Variants in DIP2B observed in about 807,000 individuals in gnomAD.
DIP2B encodes disco-interacting protein 2 homolog B.
In DIP2B, 76 loss-of-function variants were observed where a neutral mutation model predicts 198.0. The ratio of observed to expected loss-of-function variants is 0.38; its 90% CI spans 0.32 to 0.46. The LOEUF (loss-of-function observed/expected upper bound fraction) is 0.46. DIP2B is among the 20% of genes least tolerant of loss of function. The pLI, the probability that DIP2B is intolerant of heterozygous loss-of-function variation, is 0.99. For synonymous variants in DIP2B, 701 were observed against 739.1 expected (o/e 0.95, Z 0.84); for missense variants, 1,559 against 1,978.4 (o/e 0.79, Z 4.02).
Position 50,737,083 on chromosome 12 carries a change from G to A in DIP2B, c.4149G>A (p.Gly1383=). The change falls in exon 35 of 38, where the codon GGG becomes GGA. Residue 1383 remains glycine, a synonymous_variant. Coordinates refer to ENST00000301180, the MANE Select transcript of DIP2B (RefSeq NM_173602.3). ...TTATTGTTAATCCTGAGACCAAAGG[G>A]CCGGTTGGAGACTCTCACCTTGGAG... The part of the protein sequence containing the change: ...KVVIVNPETK[G]PVGDSHLGEI... 1.2e-6 allele frequency: 2 copies of A among 1,614,034 alleles called. No homozygotes were observed. The highest frequency in any genetic ancestry group is 1.7e-6 in the Non-Finnish European group (2 of 1,179,954).
In DIP2B at chr12:50,714,370, A is replaced by C. The variant is rs754212454; in HGVS notation, c.2650-25A>C. 5 of 1,613,364 alleles carry C rather than the reference A, an allele frequency of 3.1e-6. No homozygotes were observed. In the Admixed American group the frequency reaches 8.3e-5, roughly 27 times the overall value. On this transcript the variant is annotated intron_variant, in intron 22 of 37. Coordinates refer to ENST00000301180, the MANE Select transcript of DIP2B (RefSeq NM_173602.3). ...AAATGTAATAGAAGTGATCTCACTG[A>C]GTATTTTTGTTTGTATTTTTCTAGG... is the stretch of plus-strand genomic sequence containing the variant.
At chr12:50,638,000 T>A (rs998381390) in intron 2 of DIP2B, among the ~76,000 whole-genome samples, 1 of 152,214 alleles carries the variant, frequency 6.6e-6, no homozygotes, top group African/African-American at 2.4e-5. Context: ...AGGCTTTATG[T>A]TTTTGAACCT....
intron 1 of DIP2B, among the ~76,000 whole-genome samples, chr12:50,526,204 T>C (rs1252659551): frequency 6.6e-6 from 1 of 152,146 alleles, no homozygotes; most frequent in Non-Finnish European, 1.5e-5. Context: ...GGTGGCAGCT[T>C]TAAAGAGTAA....
chr12:50,638,476 A>G (rs1484515806), intron 2 of DIP2B, among the ~76,000 whole-genome samples: 1 of 152,204 alleles, frequency 6.6e-6, no homozygotes, highest in Admixed American at 6.5e-5. Flanking sequence ...CTTTATTTGG[A>G]CTGAAGTATC....
At chr12:50,587,522 A>G (rs1210525413) in intron 1 of DIP2B, among the ~76,000 whole-genome samples, 2 of 152,214 alleles carry the variant, frequency 1.3e-5, no homozygotes, top group East Asian at 3.8e-4. Flanking sequence ...AAATAAAACT[A>G]ACTTGATACT....
intron 1 of DIP2B, among the ~76,000 whole-genome samples, chr12:50,572,480 C>A (rs1394210475): frequency 5.3e-5 from 8 of 152,162 alleles, no homozygotes; most frequent in African/African-American, 1.9e-4. Flanking sequence ...AATGCTTTCG[C>A]AACAACTTGA....
intron 37 of DIP2B, 30 bp from the exon 38 acceptor site, chr12:50,744,557 C>T: frequency 6.2e-7 from 1 of 1,608,160 alleles, no homozygotes; most frequent in Non-Finnish European, 8.5e-7. Flanking sequence ...AATGTAGTGA[C>T]AAGTTAATGA....
chr12:50,593,172 T>C (rs1958833921), intron 1 of DIP2B, among the ~76,000 whole-genome samples: 1 of 152,204 alleles, frequency 6.6e-6, no homozygotes. Flanking sequence ...AGACTTAATG[T>C]CCTGGTTTAA....
Position 50,696,004 on chromosome 12 carries a change from G to A in DIP2B, c.1933+37G>A, listed in dbSNP as rs1270179055. 3.1e-6 allele frequency: 5 copies of A among 1,612,454 alleles called. No individual in the cohort carries two copies. The Admixed American group carries it at 6.7e-5, about 22-fold the overall frequency. ...TTCATTGTGGATCTGGGAATATCCTGTGTTTTGATAGATTAGGGTTTTTCG... is the reference window on the plus strand; with the variant it reads ...TTCATTGTGGATCTGGGAATATCCTATGTTTTGATAGATTAGGGTTTTTCG... On this transcript the variant is annotated intron_variant, in intron 16 of 37. Transcript: ENST00000301180.
intron 1 of DIP2B, among the ~76,000 whole-genome samples, chr12:50,542,213 C>T (rs1958332373): frequency 7.1e-6 from 1 of 139,988 alleles, no homozygotes; most frequent in African/African-American, 2.7e-5. Flanking sequence ...TGGGCCACTG[C>T]ACTCCAGCCT....
At chr12:50,682,999 A>T in intron 9 of DIP2B, 139 bp from the exon 10 acceptor site, 1 of 689,766 alleles carries the variant, frequency 1.4e-6, no homozygotes, top group African/African-American at 1.9e-5. Context: ...TCAGTAACTT[A>T]ATTTCCTTTA....
intron 30 of DIP2B, among the ~76,000 whole-genome samples, chr12:50,729,279 A>G (rs915593347): frequency 1.3e-5 from 2 of 152,196 alleles, no homozygotes; most frequent in African/African-American, 4.8e-5. Context: ...GTAGGGGCCC[A>G]CACTAGAAAC....
chr12:50,587,335 C>T (rs1169742119), intron 1 of DIP2B, among the ~76,000 whole-genome samples: 1 of 152,130 alleles, frequency 6.6e-6, no homozygotes. Context: ...GCCTTTAGAC[C>T]ACCCTCTTGT....
intron 1 of DIP2B, among the ~76,000 whole-genome samples, chr12:50,539,302 A>G (rs572922121): frequency 1.4e-5 from 2 of 146,136 alleles, no homozygotes; most frequent in East Asian, 2.0e-4. Flanking sequence ...ACTATCTCTT[A>G]TGGAATATTA....
chr12:50,714,819 C>G (rs1473446400), intron 23 of DIP2B, among the ~76,000 whole-genome samples: 1 of 152,086 alleles, frequency 6.6e-6, no homozygotes, highest in African/African-American at 2.4e-5. Context: ...TGGTGCACAC[C>G]TGTAGTCTCA....
Position 50,694,153 on chromosome 12 carries a change from C to A in DIP2B, c.1720-1114C>A, listed in dbSNP as rs564998884. Among the ~76,000 whole-genome samples the A allele has an allele frequency of 6.6e-5, 10 of 152,244 alleles. No homozygotes were observed. In the East Asian group the frequency reaches 1.9e-3, roughly 29 times the overall value. The stretch of plus-strand genomic sequence containing the variant: ...GTGGCAAGTACGAACATGATAAAAG[C>A]ATTAAGTGGGTTGGAGGGCAGTTTG... On this transcript the variant is annotated intron_variant, in intron 14 of 37. Transcript: ENST00000301180.
chr12:50,531,349 A>G (rs928628402), intron 1 of DIP2B, among the ~76,000 whole-genome samples: 13 of 152,184 alleles, frequency 8.5e-5, no homozygotes, highest in African/African-American at 2.2e-4. Flanking sequence ...CACCCAGCCA[A>G]GGAGAGCATA....
intron 1 of DIP2B, among the ~76,000 whole-genome samples, chr12:50,513,682 T>G (rs1414333541): frequency 6.6e-6 from 1 of 152,136 alleles, no homozygotes; most frequent in East Asian, 1.9e-4. Flanking sequence ...GAGACCAGCC[T>G]GGCTAACATG....
intron 1 of DIP2B, among the ~76,000 whole-genome samples, chr12:50,505,617 T>C (rs577518436): frequency 2.0e-5 from 3 of 151,922 alleles, no homozygotes; most frequent in Admixed American, 2.0e-4. Flanking sequence ...TCTCCTTTCC[T>C]CTCCCCTTTT....
Sources: allele counts gnomAD v4.1 joint callset (sites outside exome capture counted in the v4.1 genomes callset), GRCh38; gene constraint gnomAD v4.1.1; transcripts MANE v1.5; gene names NCBI Gene and HGNC (gene_info 2026-07-23, HGNC 2026-07-21).